Variants in LHPP observed in about 807,000 individuals in gnomAD.
LHPP encodes hLHPP.
LHPP carries 24 observed loss-of-function variants against 30.3 expected under a neutral mutation model. The observed-to-expected ratio is 0.79, with a 90% CI of 0.57 to 1.11. The LOEUF is 1.11. LHPP is among the 50% of genes most tolerant of loss of function. The pLI, the probability that LHPP is intolerant of heterozygous loss-of-function variation, is 0.00. For missense variants in LHPP, 356 were observed against 367.2 expected (o/e 0.97, Z 0.25); for synonymous variants, 150 against 157.1 (o/e 0.95, Z 0.34).
intron 5 of LHPP, among the ~76,000 whole-genome samples, chr10:124,506,337 A>T (rs1441023905): frequency 7.3e-6 from 1 of 136,230 alleles, no homozygotes; most frequent in African/African-American, 2.8e-5. Flanking sequence ...TGGTGAGGGG[A>T]TGTCCTATGC....
intron 1 of LHPP, 54 bp downstream of exon 1, chr10:124,462,041 T>A (rs1430462162): frequency 5.1e-6 from 6 of 1,180,614 alleles, no homozygotes; most frequent in Non-Finnish European, 6.3e-6. Context: ...CTCAGCCCGC[T>A]CCCTGGCTGC....
At chr10:124,604,974 C>T (rs968398348) in intron 6 of LHPP, among the ~76,000 whole-genome samples, 10 of 152,238 alleles carry the variant, frequency 6.6e-5, no homozygotes, top group Admixed American at 5.9e-4. Context: ...AAGAGCCCCT[C>T]GGGGAGAGGC....
At chr10:124,600,271 GCTTTTGTTT>G (rs1425798644) in intron 6 of LHPP, among the ~76,000 whole-genome samples, 2 of 152,258 alleles carry the variant, frequency 1.3e-5, no homozygotes, top group Non-Finnish European at 2.9e-5. Flanking sequence ...GCTTCTGTGA[GCTTTTGTTT>G]CTGTTACTGG....
chr10:124,569,172 TC>T (rs1231905320), intron 6 of LHPP, among the ~76,000 whole-genome samples: 1 of 152,196 alleles, frequency 6.6e-6, no homozygotes, highest in Non-Finnish European at 1.5e-5. Flanking sequence ...TGGCTGTCTT[TC>T]TTCTGCCCAG....
At chr10:124,587,642 A>G (rs545352210) in intron 6 of LHPP, among the ~76,000 whole-genome samples, 29 of 145,868 alleles carry the variant, frequency 2.0e-4, no homozygotes, top group African/African-American at 7.0e-4. Flanking sequence ...CGGGAGGCTG[A>G]GGCAGGAGAA....
rs751547638 is a variant in LHPP at position 124,510,648 on chromosome 10, G to T, written c.625-6532G>T. Among the ~76,000 whole-genome samples the T allele has an allele frequency of 1.3e-5, 2 of 152,262 alleles. No individual in the cohort carries two copies. The highest frequency in any genetic ancestry group is 2.4e-5 in the African/African-American group (1 of 41,470). On this transcript the variant is annotated intron_variant, in intron 5 of 6. Coordinates refer to ENST00000368842, the MANE Select transcript of LHPP (RefSeq NM_022126.4). This position sits in a 1 kb window ranked among gnomAD's most constrained non-coding sequence, Gnocchi z 4.0. ...CTGTCTGGTTTTGTATGTGGGAGGA[G>T]CATGCACACAGTTTCATTTTCCCCG...
chr10:124,552,845 GT>G (rs1378157862), intron 6 of LHPP, among the ~76,000 whole-genome samples: 1 of 152,228 alleles, frequency 6.6e-6, no homozygotes, highest in Non-Finnish European at 1.5e-5. Flanking sequence ...TACGTTTGGG[GT>G]TTAATTGGAG....
chr10:124,495,327 G>C (rs1953670856), intron 3 of LHPP, among the ~76,000 whole-genome samples: 1 of 152,168 alleles, frequency 6.6e-6, no homozygotes, highest in Non-Finnish European at 1.5e-5. Context: ...CATGACAGGA[G>C]ATGCCCACAC....
intron 6 of LHPP, among the ~76,000 whole-genome samples, chr10:124,571,105 C>A (rs1948578997): frequency 6.6e-6 from 1 of 152,238 alleles, no homozygotes; most frequent in Non-Finnish European, 1.5e-5. Context: ...TGCCTTTCAC[C>A]TTCTGCCGTG....
rs560282472 is a variant in LHPP, at chr10:124,501,280, C to T, written c.624+3152C>T. ...GAATGGGGAGTGCAGCTTCAGGGTA[C>T]GAGGTCTCCTTTTGGGATGATACAA... is the stretch of plus-strand genomic sequence containing the variant. On this transcript the variant is annotated intron_variant, in intron 5 of 6. Coordinates refer to ENST00000368842, the MANE Select transcript of LHPP (RefSeq NM_022126.4). 4.6e-5 allele frequency among the ~76,000 whole-genome samples: 7 copies of T among 151,828 alleles called. No individual in the cohort carries two copies. In the South Asian group the frequency reaches 8.3e-4, roughly 18 times the overall value.
At chr10:124,568,537 G>A (rs766163131) in intron 6 of LHPP, among the ~76,000 whole-genome samples, 1 of 152,180 alleles carries the variant, frequency 6.6e-6, no homozygotes, top group Non-Finnish European at 1.5e-5. Context: ...GCGGTGGCGT[G>A]GAGAGGTGTG....
chr10:124,462,894 T>G (rs1031955874), intron 1 of LHPP, among the ~76,000 whole-genome samples: 7 of 151,600 alleles, frequency 4.6e-5, no homozygotes, highest in Non-Finnish European at 1.0e-4. Flanking sequence ...TGAGACGGAG[T>G]TTTGCTCTTG....
intron 1 of LHPP, among the ~76,000 whole-genome samples, chr10:124,479,269 G>A (rs1953051652): frequency 6.6e-6 from 1 of 152,142 alleles, no homozygotes; most frequent in African/African-American, 2.4e-5. Context: ...TCCCAGAGCT[G>A]GGCTTGTCCT....
At chr10:124,462,921 G>T (rs1051196224) in intron 1 of LHPP, among the ~76,000 whole-genome samples, 1 of 152,214 alleles carries the variant, frequency 6.6e-6, no homozygotes, top group African/African-American at 2.4e-5. Flanking sequence ...AGGCTGGAAT[G>T]CAGTGGTGCA....
intron 6 of LHPP, among the ~76,000 whole-genome samples, chr10:124,518,825 G>T (rs1487105742): frequency 1.3e-5 from 2 of 152,218 alleles, no homozygotes; most frequent in Non-Finnish European, 2.9e-5. Context: ...CCCACCCTAC[G>T]CCAGCAAGGG....
chr10:124,572,291 G>A (rs955414432), intron 6 of LHPP, among the ~76,000 whole-genome samples: 2 of 152,170 alleles, frequency 1.3e-5, no homozygotes, highest in African/African-American at 2.4e-5. Flanking sequence ...CGACGGAGTG[G>A]TGGCGGTCAC....
intron 5 of LHPP, among the ~76,000 whole-genome samples, chr10:124,509,361 C>T (rs1003042652): frequency 6.6e-5 from 10 of 152,306 alleles, no homozygotes; most frequent in Middle Eastern, 6.8e-3. Flanking sequence ...CGCTCTTGTG[C>T]GTAACCCTGA....
chr10:124,545,052 C>G (rs113240811), intron 6 of LHPP, among the ~76,000 whole-genome samples: 1 of 152,264 alleles, frequency 6.6e-6, no homozygotes, highest in African/African-American at 2.4e-5. Context: ...GGAGGAACTT[C>G]TCTAGGAGAG....
At chr10:124,554,387 C>G (rs958286664) in intron 6 of LHPP, among the ~76,000 whole-genome samples, 2 of 152,308 alleles carry the variant, frequency 1.3e-5, no homozygotes, top group East Asian at 3.9e-4. Flanking sequence ...CTTGCAGAGA[C>G]AGGGTCTCCC....
Sources: allele counts gnomAD v4.1 joint callset (sites outside exome capture counted in the v4.1 genomes callset), GRCh38; gene constraint gnomAD v4.1.1; non-coding constraint Gnocchi (gnomAD v3.1); transcripts MANE v1.5; gene names NCBI Gene and HGNC (gene_info 2026-07-23, HGNC 2026-07-21).